The following LRBA variants were observed in gnomAD, a reference collection of about 807,000 sequenced individuals.
The protein encoded by LRBA is lipopolysaccharide-responsive and beige-like anchor protein.
LRBA carries 176 observed loss-of-function variants against 330.0 expected under a neutral mutation model. The observed-to-expected ratio is 0.53, with a 90% confidence interval of 0.47 to 0.60. The LOEUF is 0.60. LRBA is among the 20% of genes least tolerant of loss of function. The pLI, the probability that LRBA is intolerant of heterozygous loss-of-function variation, is 0.00. For missense variants in LRBA, 3,259 were observed against 3,444.8 expected (o/e 0.95, Z 1.35); for synonymous variants, 1,230 against 1,193.0 (o/e 1.03, Z -0.64).
intron 38 of LRBA, among the ~76,000 whole-genome samples, chr4:150,594,209 G>T (rs1773220317): frequency 6.6e-6 from 1 of 151,746 alleles, no homozygotes; most frequent in Admixed American, 6.6e-5. Flanking sequence ...CCCCCTTGAG[G>T]ATTTTAAGTT....
chr4:150,277,087 T>G (rs1425556301), intron 56 of LRBA, among the ~76,000 whole-genome samples: 1 of 152,212 alleles, frequency 6.6e-6, no homozygotes, highest in African/African-American at 2.4e-5. Flanking sequence ...TGGAATACTA[T>G]GCAGCCATAC....
intron 47 of LRBA, among the ~76,000 whole-genome samples, chr4:150,397,406 T>C (rs1744878573): frequency 6.6e-6 from 1 of 152,002 alleles, no homozygotes; most frequent in South Asian, 2.1e-4. Context: ...GGCTCCCAAG[T>C]AGCTGGGACT....
intron 44 of LRBA, among the ~76,000 whole-genome samples, chr4:150,455,011 CA>C (rs1276868540): frequency 1.3e-5 from 2 of 150,258 alleles, no homozygotes; most frequent in Non-Finnish European, 2.9e-5. Context: ...TTTTAGGGTA[CA>C]TGTGCACATT....
chr4:150,842,829 G>C (rs753759669), intron 28 of LRBA, among the ~76,000 whole-genome samples: 1 of 151,904 alleles, frequency 6.6e-6, no homozygotes, highest in African/African-American at 2.4e-5. Context: ...CACATATACA[G>C]CATTGGTCCC....
At position 150,568,442 on chromosome 4, in the gene LRBA, C is replaced by A. The variant is rs532007617; in HGVS notation, c.6330+19606G>T. Among the ~76,000 whole-genome samples, 5 of 152,254 alleles carry A rather than the reference C, an allele frequency of 3.3e-5. No individual in the cohort carries two copies. In the South Asian group the frequency reaches 1.0e-3, roughly 32 times the overall value. On this transcript the variant is annotated intron_variant, in intron 40 of 56. Transcript: ENST00000651943. ...ATTATTAAACCACTGACAATTTTCC[C>A]TTCTTTTATTCCCTCCTTCTTTCTA... is the stretch of plus-strand genomic sequence containing the variant.
intron 37 of LRBA, among the ~76,000 whole-genome samples, chr4:150,657,894 T>G (rs1780372751): frequency 6.6e-6 from 1 of 152,228 alleles, no homozygotes; most frequent in African/African-American, 2.4e-5. Context: ...TGCTTAGTTC[T>G]TACATTTAAT....
intron 28 of LRBA, among the ~76,000 whole-genome samples, chr4:150,833,232 C>CT (rs1227641599): frequency 6.6e-6 from 1 of 151,884 alleles, no homozygotes; most frequent in African/African-American, 2.4e-5. Flanking sequence ...TCACTGACCT[C>CT]TTTATCTTGT....
rs556311518 is a variant in LRBA at position 150,721,759 on chromosome 4, C to T, written c.5754+13499G>A. Among the ~76,000 whole-genome samples the T allele has an allele frequency of 2.0e-5, 3 of 152,240 alleles. No individual in the cohort carries two copies. The South Asian group carries it at 6.2e-4, about 31-fold the overall frequency. On this transcript the variant is annotated intron_variant, in intron 36 of 56. Transcript: ENST00000651943. The stretch of plus-strand genomic sequence containing the variant: ...CCTCCCGAGTAGCTGGGACTACAGG[C>T]ATGTGCTACCTCACGCCTGGCTAAT...
intron 48 of LRBA, among the ~76,000 whole-genome samples, chr4:150,347,243 T>C (rs1005480692): frequency 1.3e-5 from 2 of 152,178 alleles, no homozygotes; most frequent in Non-Finnish European, 2.9e-5. Context: ...TATTGTTTAA[T>C]GCTTAGAGAG....
intron 37 of LRBA, among the ~76,000 whole-genome samples, chr4:150,639,869 A>T (rs1294465283): frequency 2.2e-5 from 2 of 91,486 alleles, no homozygotes; most frequent in Non-Finnish European, 4.3e-5. Flanking sequence ...ATATATATAT[A>T]TATTTAGATG....
intron 2 of LRBA, among the ~76,000 whole-genome samples, chr4:150,959,751 C>T (rs1401400745): frequency 6.9e-6 from 1 of 145,102 alleles, no homozygotes; most frequent in African/African-American, 2.7e-5. Flanking sequence ...TAATATGTAA[C>T]ATAGTGTAAA....
intron 44 of LRBA, among the ~76,000 whole-genome samples, chr4:150,449,785 C>T (rs1753124278): frequency 6.6e-6 from 1 of 152,056 alleles, no homozygotes; most frequent in Non-Finnish European, 1.5e-5. Context: ...CTTCTTTGGG[C>T]ATAAAATCTT....
intron 50 of LRBA, among the ~76,000 whole-genome samples, chr4:150,320,162 A>T (rs1454725257): frequency 6.6e-6 from 1 of 152,144 alleles, no homozygotes; most frequent in African/African-American, 2.4e-5. Context: ...GTGGTCATAA[A>T]ATCTGAGTGA....
At chr4:150,396,526 TG>T (rs886386110) in intron 47 of LRBA, among the ~76,000 whole-genome samples, 4 of 142,470 alleles carry the variant, frequency 2.8e-5, no homozygotes, top group Non-Finnish European at 6.3e-5. Context: ...CCAGAAATAA[TG>T]TTTATCACTT....
rs576530489 is a variant in LRBA at position 150,374,605 on chromosome 4, A to AT, written c.7195-24447dup. Among the ~76,000 whole-genome samples the AT allele has an allele frequency of 1.7e-4, 26 of 152,324 alleles. No homozygotes were observed. In the South Asian group the frequency reaches 5.4e-3, roughly 32 times the overall value. On this transcript the variant is annotated intron_variant, in intron 47 of 56. Transcript: ENST00000651943. The stretch of plus-strand genomic sequence containing the variant: ...AATACGAAATGCTCCAAAGTCTGAA[A>AT]TTTTTTTGATCACCAACATGATGCT...
chr4:150,315,574 G>T lies in LRBA; in HGVS notation c.7680C>A (p.Ile2560=). 1 of 1,612,164 alleles carries T rather than the reference G, an allele frequency of 6.2e-7. No homozygotes were observed. The highest frequency in any genetic ancestry group is 8.5e-7 in the Non-Finnish European group (1 of 1,178,876). Residue 2560 remains isoleucine (I), a synonymous_variant, in exon 51 of 57, where the codon ATC becomes ATA. Coordinates refer to ENST00000651943, the MANE Select transcript of LRBA (RefSeq NM_001364905.1). ...GAAGTGACAGACCTATGAGAGGATCGATTTCCACTGGCAGCTGGTATGGCT... is the reference window on the plus strand; with the variant it reads ...GAAGTGACAGACCTATGAGAGGATCTATTTCCACTGGCAGCTGGTATGGCT... ...QDQPYQLPVE[I]DPLIASNTGM...
At chr4:150,947,146 T>A (rs1148639) in intron 2 of LRBA, among the ~76,000 whole-genome samples, 144,074 of 151,564 alleles carry the variant, frequency 0.95, 68,875 homozygotes, top group Non-Finnish European at 1. Context: ...AAATATTTTT[T>A]AAAAAATTAA....
chr4:150,650,406 C>CTAAGCAGACATTAAAACTTGTTATTTGG, intron 37 of LRBA, among the ~76,000 whole-genome samples: 2 of 152,110 alleles, frequency 1.3e-5, no homozygotes, highest in African/African-American at 4.8e-5. Context: ...CCTAATATCT[C>CTAAGCAGACATTAAAACTTGTTATTTGG]TAAGCAGACA....
intron 44 of LRBA, among the ~76,000 whole-genome samples, chr4:150,451,162 T>TCAGTACGGATA (rs1315960726): frequency 1.3e-5 from 2 of 152,148 alleles, no homozygotes; most frequent in Non-Finnish European, 2.9e-5. Context: ...CAAGTAGAAA[T>TCAGTACGGATA]CAGTACGGAT....
Sources: gnomAD v4.1 joint callset for allele counts (sites outside exome capture counted in the v4.1 genomes callset) on GRCh38, gnomAD v4.1.1 for gene constraint, MANE v1.5 for transcripts, NCBI Gene and HGNC (gene_info 2026-07-23, HGNC 2026-07-21) for gene names.